Variants in CLIP4 observed in about 807,000 individuals in gnomAD.
CLIP4 encodes CAP-Gly domain containing linker protein family member 4.
Under a neutral mutation model 73.1 loss-of-function variants are expected in CLIP4, and 47 were observed. The observed-to-expected ratio is 0.64, with a 90% CI of 0.51 to 0.82. The LOEUF (loss-of-function observed/expected upper bound fraction) is 0.82, where lower values mean the gene tolerates loss of function less well. Among genes scored for constraint, CLIP4 ranks in the 40% least tolerant of loss-of-function variants. The probability of loss-of-function intolerance (pLI) is 0.00; values close to 1 mark genes in which losing one functional copy is unlikely to be tolerated. For missense variants in CLIP4, 874 were observed against 852.9 expected (o/e 1.02, Z -0.31); for synonymous variants, 306 against 295.4 (o/e 1.04, Z -0.37).
At chr2:29,110,407 A>G (rs1285023614) in intron 1 of CLIP4, among the ~76,000 whole-genome samples, 1 of 152,216 alleles carries the variant, frequency 6.6e-6, no homozygotes, top group East Asian at 1.9e-4. Flanking sequence ...TTAATAAATG[A>G]TATCATAAAC....
chr2:29,165,158 A>C (rs72790251), intron 13 of CLIP4, among the ~76,000 whole-genome samples: 33,121 of 152,216 alleles, frequency 0.22, 3,975 homozygotes, highest in Non-Finnish European at 0.28. Context: ...AGCTAAAGTC[A>C]TACAGCTAAT....
intron 6 of CLIP4, among the ~76,000 whole-genome samples, chr2:29,140,353 G>A (rs2147981508): frequency 6.6e-6 from 1 of 152,132 alleles, no homozygotes; most frequent in East Asian, 1.9e-4. Flanking sequence ...CCTTGCGATA[G>A]TTTACTGAGA....
chr2:29,156,485 T>G (rs745701681), intron 10 of CLIP4, 42 bp downstream of exon 10: 1 of 1,376,074 alleles, frequency 7.3e-7, no homozygotes, highest in Non-Finnish European at 1.0e-6. Flanking sequence ...ATTTAACTTT[T>G]GATGGAACTT....
intron 1 of CLIP4, among the ~76,000 whole-genome samples, chr2:29,120,472 T>G (rs1664179723): frequency 6.6e-6 from 1 of 152,174 alleles, no homozygotes. Flanking sequence ...TACTACCAGA[T>G]CAAGCCATTG....
chr2:29,113,377 G>T (rs1558507811), upstream of CLIP4, among the ~76,000 whole-genome samples: 1 of 152,180 alleles, frequency 6.6e-6, no homozygotes, highest in African/African-American at 2.4e-5. The surrounding 1 kb of genome is among the most constrained non-coding windows in gnomAD (Gnocchi z 4.0). Context: ...CCAATGAATA[G>T]TTCAAGTTCC....
intron 14 of CLIP4, among the ~76,000 whole-genome samples, chr2:29,172,733 C>T (rs184028198): frequency 2.1e-4 from 32 of 152,074 alleles, no homozygotes; most frequent in Admixed American, 1.1e-3. Context: ...CTTTCCCATG[C>T]GCTCTCATAT....
chr2:29,151,942 C>G (rs951323617), intron 8 of CLIP4, among the ~76,000 whole-genome samples: 5 of 152,122 alleles, frequency 3.3e-5, no homozygotes, highest in South Asian at 4.2e-4. Context: ...ATAGGCAACC[C>G]CCCTGCCCCT....
intron 12 of CLIP4, among the ~76,000 whole-genome samples, chr2:29,161,513 A>G (rs1162268634): frequency 2.0e-5 from 3 of 152,294 alleles, no homozygotes; most frequent in African/African-American, 4.8e-5. Flanking sequence ...CGCCTGCCAC[A>G]GTTTCATAGA....
intron 1 of CLIP4, among the ~76,000 whole-genome samples, chr2:29,102,040 C>T (rs571745900): frequency 7.2e-5 from 11 of 152,100 alleles, no homozygotes; most frequent in Non-Finnish European, 1.6e-4. Flanking sequence ...GCCCTGAGTT[C>T]TCCAGGCCCC....
intron 8 of CLIP4, among the ~76,000 whole-genome samples, chr2:29,152,065 A>G (rs1666609421): frequency 6.6e-6 from 1 of 152,190 alleles, no homozygotes; most frequent in South Asian, 2.1e-4. Flanking sequence ...TATCCCTGCT[A>G]TGTGTAACAC....
chr2:29,175,695 T>C (rs900147908), intron 15 of CLIP4: 1 of 152,252 alleles, frequency 6.6e-6, no homozygotes, highest in African/African-American at 2.4e-5. Flanking sequence ...GTAATACTTA[T>C]ACAGGTTAAC....
intron 6 of CLIP4, 141 bp from the exon 7 acceptor site, chr2:29,143,568 A>G (rs1665932659): frequency 4.6e-6 from 3 of 646,880 alleles, no homozygotes; most frequent in Non-Finnish European, 5.5e-6. Context: ...TGGTGTCTGC[A>G]TATTGTAGGC....
intron 1 of CLIP4, among the ~76,000 whole-genome samples, chr2:29,101,378 C>T (rs1668045116): frequency 6.6e-6 from 1 of 151,798 alleles, no homozygotes; most frequent in Non-Finnish European, 1.5e-5. Context: ...CCCAATAGCC[C>T]CTGGCAAATC....
intron 6 of CLIP4, among the ~76,000 whole-genome samples, chr2:29,141,514 T>C (rs1346980423): frequency 6.6e-6 from 1 of 152,208 alleles, no homozygotes; most frequent in African/African-American, 2.4e-5. Flanking sequence ...CAGTGTTGGG[T>C]GTGTGTATAT....
At chr2:29,134,560 G>A (rs1364534954) in intron 5 of CLIP4, among the ~76,000 whole-genome samples, 3 of 151,578 alleles carry the variant, frequency 2.0e-5, no homozygotes, top group African/African-American at 7.3e-5. Context: ...AAGTGATGTT[G>A]GGAAGAAAGC....
rs1668201833 is a variant in CLIP4 at position 29,174,442 on chromosome 2, C to G, written c.1793C>G (p.Ser598Cys). The change falls in exon 15 of 16, where the codon TCC becomes TGC. Residue 598 changes from serine (S) to cysteine (C), a missense_variant. By Grantham distance (112) the Ser-to-Cys change is moderately radical (BLOSUM62 -1). Transcript: ENST00000320081. ...QKEINRRNAF[S>C]KSKAALRRSW... ...GAGATTAACAGAAGAAATGCTTTTT[C>G]CAAGTGAGTATTAAGAAGATTTAGA... 6.2e-7 allele frequency: 1 copy of G among 1,610,638 alleles called. No individual in the cohort carries two copies. The highest frequency in any genetic ancestry group is 1.3e-5 in the African/African-American group (1 of 74,870).
intron 6 of CLIP4, among the ~76,000 whole-genome samples, chr2:29,142,308 G>T (rs979539095): frequency 6.9e-6 from 1 of 145,486 alleles, no homozygotes; most frequent in Non-Finnish European, 1.5e-5. Context: ...TATTATTTAG[G>T]TTTTTTTTTT....
chr2:29,134,912 T>TC (rs1665239278), intron 5 of CLIP4, among the ~76,000 whole-genome samples: 1 of 152,224 alleles, frequency 6.6e-6, no homozygotes, highest in Non-Finnish European at 1.5e-5. Flanking sequence ...CTATGCTTAA[T>TC]TAGACTTTAA....
intron 1 of CLIP4, among the ~76,000 whole-genome samples, chr2:29,102,491 A>G (rs1234058860): frequency 6.6e-6 from 1 of 152,140 alleles, no homozygotes; most frequent in Non-Finnish European, 1.5e-5. Context: ...CAAGAGCACA[A>G]GGGCAGCCAC....
Sources: gnomAD v4.1 joint callset for allele counts (sites outside exome capture counted in the v4.1 genomes callset) on GRCh38, gnomAD v4.1.1 for gene constraint, Gnocchi (gnomAD v3.1) non-coding constraint, MANE v1.5 for transcripts, NCBI Gene and HGNC (gene_info 2026-07-23, HGNC 2026-07-21) for gene names.